GRIA1: variants seen among roughly 807,000 people sequenced by gnomAD.
GRIA1 encodes glutamate ionotropic receptor AMPA type subunit 1.
GRIA1 carries 31 observed loss-of-function variants against 99.2 expected under a neutral mutation model. The ratio of observed to expected loss-of-function variants is 0.31; its 90% CI spans 0.23 to 0.42. The LOEUF is 0.42. GRIA1 is among the 10% of genes least tolerant of loss of function. The pLI is 1.00. For synonymous variants in GRIA1, 438 were observed against 432.4 expected, an observed-to-expected ratio of 1.01 and a Z score of -0.16; for missense variants, 782 against 1,157.5, an observed-to-expected ratio of 0.68 and a Z score of 4.71.
At chr5:153,634,017 T>A (rs956478675) in intron 2 of GRIA1, among the ~76,000 whole-genome samples, 1 of 151,832 alleles carries the variant, frequency 6.6e-6, no homozygotes, top group Non-Finnish European at 1.5e-5. Context: ...GGTACCGCAA[T>A]AGAGAATAAA....
At chr5:153,757,452 G>C (rs1216578569) in intron 11 of GRIA1, among the ~76,000 whole-genome samples, 1 of 152,116 alleles carries the variant, frequency 6.6e-6, no homozygotes, top group Non-Finnish European at 1.5e-5. Context: ...AAGGTCAAAA[G>C]TCACCAATAG....
intron 2 of GRIA1, among the ~76,000 whole-genome samples, chr5:153,544,131 AATG>A (rs1413217624): frequency 3.9e-5 from 6 of 152,154 alleles, no homozygotes; most frequent in Non-Finnish European, 8.8e-5. Flanking sequence ...TCAAATGAGG[AATG>A]ATATCACTGT....
At chr5:153,586,778 C>A (rs1241747636) in intron 2 of GRIA1, among the ~76,000 whole-genome samples, 1 of 152,108 alleles carries the variant, frequency 6.6e-6, no homozygotes, top group Non-Finnish European at 1.5e-5. Context: ...ATTATGAAAT[C>A]TTTCTTGGAT....
chr5:153,698,846 A>G, intron 9 of GRIA1, 21 bp from the exon 10 acceptor site: 1 of 1,528,702 alleles, frequency 6.5e-7, no homozygotes, highest in Non-Finnish European at 9.1e-7. Context: ...ACATTCTGCT[A>G]TCTCCCCATT....
At chr5:153,701,873 C>T (rs1349700918) in intron 10 of GRIA1, among the ~76,000 whole-genome samples, 8 of 152,128 alleles carry the variant, frequency 5.3e-5, no homozygotes, top group Non-Finnish European at 2.9e-5. Context: ...CTTCCTTTTG[C>T]TCCCTCTTTT....
intron 5 of GRIA1, among the ~76,000 whole-genome samples, chr5:153,660,981 T>G (rs1440902686): frequency 6.6e-6 from 1 of 152,256 alleles, no homozygotes; most frequent in African/African-American, 2.4e-5. Context: ...TGCCATGTGC[T>G]TGCAGATTAA....
At chr5:153,650,984 C>G (rs908724121) in intron 4 of GRIA1, among the ~76,000 whole-genome samples, 3 of 150,718 alleles carry the variant, frequency 2.0e-5, no homozygotes, top group African/African-American at 7.3e-5. Context: ...GACAGTGAGG[C>G]AGGAGAATCC....
chr5:153,554,082 T>A (rs1208239058), intron 2 of GRIA1, among the ~76,000 whole-genome samples: 1 of 152,164 alleles, frequency 6.6e-6, no homozygotes, highest in African/African-American at 2.4e-5. Context: ...TCTTTATAAG[T>A]GGTTCAAAAC....
chr5:153,600,724 C>A lies in GRIA1; in HGVS notation c.221-46204C>A, dbSNP rs548738961. 9.2e-5 allele frequency among the ~76,000 whole-genome samples: 14 copies of A among 152,306 alleles called. No homozygotes were observed. In the South Asian group the frequency reaches 2.9e-3, roughly 32 times the overall value. On this transcript the variant is annotated intron_variant, in intron 2 of 15. Transcript: ENST00000285900. ...GAAGAAGCAGAGACACGTCTACCAC[C>A]ATGGAACCTTGCTGCTAAAAATTGA...
At chr5:153,573,386 G>A (rs1237746330) in intron 2 of GRIA1, 2 of 152,144 alleles carry the variant, frequency 1.3e-5, no homozygotes, top group Non-Finnish European at 2.9e-5. Flanking sequence ...TCACCTACTA[G>A]AATTGTTGGG....
chr5:153,737,340 G>A lies in GRIA1; in HGVS notation c.1824-27094G>A, dbSNP rs547846194. 9.4e-3 allele frequency among the ~76,000 whole-genome samples: 1,235 copies of A among 131,950 alleles called. 7 individuals carry two copies. The highest frequency in any genetic ancestry group is 0.016 in the South Asian group (61 of 3,708). The allele number at this position is 131,950 out of a possible 152,430, so 86.6% of individuals were successfully genotyped here. On this transcript the variant is annotated intron_variant, in intron 11 of 15. Coordinates refer to ENST00000285900, the MANE Select transcript of GRIA1 (RefSeq NM_000827.4). ...AGGGATACTCCATTTTTCCACATATGAAACAATTTGGAGCTCGGAAAGATT... is the reference window on the plus strand; with the variant it reads ...AGGGATACTCCATTTTTCCACATATAAAACAATTTGGAGCTCGGAAAGATT...
intron 2 of GRIA1, among the ~76,000 whole-genome samples, chr5:153,640,207 A>G (rs1342642511): frequency 3.3e-5 from 5 of 152,228 alleles, no homozygotes; most frequent in African/African-American, 1.2e-4. Context: ...TTGGCTTTCA[A>G]TGCCTAGTAA....
intron 2 of GRIA1, among the ~76,000 whole-genome samples, chr5:153,632,600 A>G (rs1254677998): frequency 6.6e-6 from 1 of 152,188 alleles, no homozygotes; most frequent in Non-Finnish European, 1.5e-5. Flanking sequence ...ACATGTATCT[A>G]GGACTTTGGT....
intron 2 of GRIA1, among the ~76,000 whole-genome samples, chr5:153,586,911 T>C (rs1361163079): frequency 6.6e-6 from 1 of 152,184 alleles, no homozygotes; most frequent in East Asian, 1.9e-4. Flanking sequence ...TGAGGCACGT[T>C]TCCAGACAGG....
intron 7 of GRIA1, among the ~76,000 whole-genome samples, chr5:153,678,638 A>G (rs1369595289): frequency 6.6e-6 from 1 of 152,186 alleles, no homozygotes; most frequent in Non-Finnish European, 1.5e-5. Context: ...TCTGTTTGCA[A>G]TGTGAGGCTG....
intron 13 of GRIA1, among the ~76,000 whole-genome samples, chr5:153,787,651 C>G (rs1261784112): frequency 1.3e-5 from 2 of 152,120 alleles, no homozygotes; most frequent in Non-Finnish European, 2.9e-5. Flanking sequence ...TATAGCCATC[C>G]GTATATGAAT....
intron 2 of GRIA1, among the ~76,000 whole-genome samples, chr5:153,624,363 G>T (rs1189777841): frequency 6.6e-6 from 1 of 152,174 alleles, no homozygotes; most frequent in Non-Finnish European, 1.5e-5. Context: ...GTGACTTTGA[G>T]TATATGGGCC....
At chr5:153,795,500 G>C (rs754165458) in intron 14 of GRIA1, 1 of 1,611,736 alleles carries the variant, frequency 6.2e-7, no homozygotes, top group South Asian at 1.1e-5. Context: ...TAGCGGTTTT[G>C]AAACTCAGTG....
chr5:153,508,809 G>A (rs1400356570), intron 2 of GRIA1, among the ~76,000 whole-genome samples: 1 of 152,166 alleles, frequency 6.6e-6, no homozygotes, highest in East Asian at 1.9e-4. Flanking sequence ...ACATCTGCAG[G>A]TTGCAGGCTG....
Sources: allele counts gnomAD v4.1 joint callset (sites outside exome capture counted in the v4.1 genomes callset), GRCh38; gene constraint gnomAD v4.1.1; transcripts MANE v1.5; gene names NCBI Gene and HGNC (gene_info 2026-07-23, HGNC 2026-07-21).